Variants in FMNL3 observed in about 807,000 individuals in gnomAD.
The protein encoded by FMNL3 is formin like 3.
FMNL3 carries 57 observed loss-of-function variants against 119.6 expected under a neutral mutation model. That is an observed-to-expected ratio of 0.48 (90% CI 0.39 to 0.59). The LOEUF is 0.59. Among genes scored for constraint, FMNL3 ranks in the 20% least tolerant of loss-of-function variants. The probability of loss-of-function intolerance (pLI) is 0.00; values close to 1 mark genes in which losing one functional copy is unlikely to be tolerated. For synonymous variants in FMNL3, 491 were observed against 507.3 expected (o/e 0.97, Z 0.43); for missense variants, 1,053 against 1,323.5 (o/e 0.80, Z 3.17).
At chr12:49,679,631 A>G (rs1944286156) in intron 1 of FMNL3, among the ~76,000 whole-genome samples, 1 of 144,286 alleles carries the variant, frequency 6.9e-6, no homozygotes, top group South Asian at 2.2e-4. Flanking sequence ...GGCTCAGGTG[A>G]TCTTCCCACC....
chr12:49,674,833 A>G (rs553968931), intron 1 of FMNL3, among the ~76,000 whole-genome samples: 2 of 152,190 alleles, frequency 1.3e-5, no homozygotes, highest in African/African-American at 2.4e-5. Flanking sequence ...GTTACGGGCC[A>G]AGTCCCTGAG....
rs1942659036 is a variant in FMNL3 at position 49,641,579 on chromosome 12, C to T, written c.*4236G>A. ...TGTTGATTGAGAATGCATGGAAGCA[C>T]TGCTGAGCAGCAGGAGGGCCCAGCT... On this transcript the variant is annotated 3_prime_UTR_variant, in exon 26 of 26. Transcript: ENST00000335154. 1.2e-5 allele frequency: 4 copies of T among 326,078 alleles called. No individual in the cohort carries two copies. In the East Asian group the frequency reaches 1.9e-4, roughly 16 times the overall value. 20.2% of individuals were successfully genotyped at this position (326,078 alleles called of 1,614,324 possible). A position where few individuals can be genotyped will look rare whatever the true frequency, so the allele number is the denominator to read the frequency against.
At chr12:49,677,073 A>T (rs1359450038) in intron 1 of FMNL3, among the ~76,000 whole-genome samples, 2 of 152,150 alleles carry the variant, frequency 1.3e-5, no homozygotes, top group Non-Finnish European at 2.9e-5. Context: ...TACCCCAGAG[A>T]GATTACCTCC....
rs563883749 is a variant in FMNL3, at chr12:49,702,719, G to T, written c.126+4336C>A. Among the ~76,000 whole-genome samples the T allele has an allele frequency of 2.0e-4, 30 of 152,172 alleles. 1 individual carries two copies. In the East Asian group the frequency reaches 5.6e-3, roughly 28 times the overall value. On this transcript the variant is annotated intron_variant, in intron 1 of 25. Coordinates refer to ENST00000335154, the MANE Select transcript of FMNL3 (RefSeq NM_175736.5). ...ATAAGACTCCTCTCTGTGGTCTAGG[G>T]TCTTCTCTGTGGGGTCTCTGAACAA...
At chr12:49,706,548 C>A (rs745840827) in intron 1 of FMNL3, among the ~76,000 whole-genome samples, 16 of 152,112 alleles carry the variant, frequency 1.1e-4, no homozygotes, top group Non-Finnish European at 2.1e-4. Flanking sequence ...GCCTCCCCAT[C>A]CCCCTCTCCC....
At position 49,707,153 on chromosome 12, in the gene FMNL3, C is replaced by G. The variant is rs1011920151; in HGVS notation, c.28G>C (p.Val10Leu). 1.3e-6 allele frequency: 2 copies of G among 1,589,108 alleles called. No homozygotes were observed. The highest frequency in any genetic ancestry group is 2.7e-5 in the African/African-American group (2 of 73,308). Residue 10 changes from valine (V) to leucine (L), a missense_variant, in exon 1 of 26, where the codon GTC becomes CTC. By Grantham distance (32) the Val-to-Leu change is conservative. Coordinates refer to ENST00000335154, the MANE Select transcript of FMNL3 (RefSeq NM_175736.5). The part of the protein sequence containing the change: MGNLESAEG[V>L]PGEPPSVPLL... Reference sequence around the variant, plus strand: ...GGGACAGAGGGGGGCTCTCCCGGGACCCCCTCGGCGCTCTCCAGGTTGCCC... The same window carrying G: ...GGGACAGAGGGGGGCTCTCCCGGGAGCCCCTCGGCGCTCTCCAGGTTGCCC...
At position 49,649,684 on chromosome 12, in the gene FMNL3, G is replaced by A; in HGVS notation, c.2235+7C>T. The A allele has an allele frequency of 6.2e-7, 1 of 1,613,890 alleles. No individual in the cohort carries two copies. Reference sequence around the variant, plus strand: ...GTCCAGAGCCATGAGTTGGGTGGGGGCTGTACCGGTGTGAGCATCTGCAGG... The same window carrying A: ...GTCCAGAGCCATGAGTTGGGTGGGGACTGTACCGGTGTGAGCATCTGCAGG... On this transcript the variant is annotated splice_region_variant and intron_variant, in intron 18 of 25. Coordinates refer to ENST00000335154, the MANE Select transcript of FMNL3 (RefSeq NM_175736.5). This position sits in a 1 kb window ranked among gnomAD's most constrained non-coding sequence, Gnocchi z 5.6.
chr12:49,668,882 T>C (rs1202185488), intron 1 of FMNL3, among the ~76,000 whole-genome samples: 2 of 152,270 alleles, frequency 1.3e-5, no homozygotes, highest in Non-Finnish European at 2.9e-5. Flanking sequence ...TAGTTTCTTT[T>C]CTATTTTATG....
chr12:49,640,488 A>T lies in FMNL3; in HGVS notation c.*5327T>A, dbSNP rs1264300323. On this transcript the variant is annotated 3_prime_UTR_variant, in exon 26 of 26. Transcript: ENST00000335154. ...GGCACTGAGGACCAGATGAGTGAGG[A>T]CAAAGAAGGCGGCCTTGGATTTGGC... 3 of 152,240 alleles carry T rather than the reference A, an allele frequency of 2.0e-5. No individual in the cohort carries two copies. The highest frequency in any genetic ancestry group is 7.2e-5 in the African/African-American group (3 of 41,424). 9.4% of individuals were successfully genotyped at this position (152,240 alleles called of 1,614,324 possible). A position where few individuals can be genotyped will look rare whatever the true frequency, so the allele number is the denominator to read the frequency against.
intron 6 of FMNL3, among the ~76,000 whole-genome samples, chr12:49,657,896 C>T (rs1046068896): frequency 3.3e-5 from 5 of 152,150 alleles, no homozygotes; most frequent in African/African-American, 4.8e-5. Flanking sequence ...CCAGTCCATC[C>T]GCCTACCTCC....
chr12:49,673,309 A>C (rs1944095282), intron 1 of FMNL3, among the ~76,000 whole-genome samples: 2 of 152,374 alleles, frequency 1.3e-5, no homozygotes, highest in South Asian at 4.1e-4. Flanking sequence ...CAGATGAGCA[A>C]AGATGGAAAG....
Position 49,707,258 on chromosome 12 carries a change from C to G in FMNL3, c.-78G>C. 1.5e-6 allele frequency: 2 copies of G among 1,318,324 alleles called. No homozygotes were observed. Among genetic ancestry groups the G allele is most frequent in the South Asian group, 3.3e-5 (2 of 61,086 alleles). 81.7% of individuals were successfully genotyped at this position (1,318,324 alleles called of 1,614,324 possible). A position where few individuals can be genotyped will look rare whatever the true frequency, so the allele number is the denominator to read the frequency against. ...TTTCGGCTCCGCGGCTCCGACCAGG[C>G]TCCTCCCTCAGCGCCGGCTCCCCGA... On this transcript the variant is annotated 5_prime_UTR_variant, in exon 1 of 26. Transcript: ENST00000335154.
rs929959398 is a variant in FMNL3, at chr12:49,707,306, G to A, written c.-126C>T. ...CGAGTCCCGACTCCTCGGCCCCGTC[G>A]AGGGCGCCGGGGGTTCCCTGGAGTC... On this transcript the variant is annotated 5_prime_UTR_variant, in exon 1 of 26. Transcript: ENST00000335154. 5.4e-6 allele frequency: 5 copies of A among 933,982 alleles called. No homozygotes were observed. Among genetic ancestry groups the A allele is most frequent in the African/African-American group, 1.8e-5 (1 of 57,032 alleles). The allele number at this position is 933,982 out of a possible 1,614,324, so 57.9% of individuals were successfully genotyped here.
chr12:49,688,995 G>C (rs1341883652), intron 1 of FMNL3, among the ~76,000 whole-genome samples: 1 of 152,220 alleles, frequency 6.6e-6, no homozygotes, highest in East Asian at 1.9e-4. Flanking sequence ...GCTCATGCCT[G>C]TAATCTCAGC....
chr12:49,680,790 C>T (rs1433475984), intron 1 of FMNL3, among the ~76,000 whole-genome samples: 1 of 152,226 alleles, frequency 6.6e-6, no homozygotes. Flanking sequence ...ACTTTTCTCA[C>T]ATTCTCTCAC....
intron 1 of FMNL3, among the ~76,000 whole-genome samples, chr12:49,704,540 A>G (rs1190643327): frequency 1.3e-5 from 2 of 151,830 alleles, no homozygotes; most frequent in Non-Finnish European, 2.9e-5. Context: ...GCGAAACCCC[A>G]TCTCTACTAA....
intron 1 of FMNL3, among the ~76,000 whole-genome samples, chr12:49,704,375 G>A (rs1295221896): frequency 1.3e-5 from 2 of 152,156 alleles, no homozygotes. Flanking sequence ...AAAAAGGTGA[G>A]AAAGGAACAG....
rs1942029843 is a variant in FMNL3 at position 49,637,681 on chromosome 12, C to T, written c.*8134G>A. 7.2e-6 allele frequency: 11 copies of T among 1,526,384 alleles called. No homozygotes were observed. The highest frequency in any genetic ancestry group is 9.9e-6 in the Non-Finnish European group (11 of 1,114,630). 94.6% of individuals were successfully genotyped at this position (1,526,384 alleles called of 1,614,324 possible). On this transcript the variant is annotated 3_prime_UTR_variant, in exon 26 of 26. Transcript: ENST00000335154. Reference sequence around the variant, plus strand: ...CGGCTCCTGTCCTCGGCCCAGCCCCCAGGCCTTGGGAAGCTGCCGCCCGCC... The same window carrying T: ...CGGCTCCTGTCCTCGGCCCAGCCCCTAGGCCTTGGGAAGCTGCCGCCCGCC...
intron 16 of FMNL3, 89 bp from the exon 17 acceptor site, chr12:49,650,967 C>G: frequency 6.7e-7 from 1 of 1,498,146 alleles, no homozygotes; most frequent in Non-Finnish European, 9.2e-7. Context: ...GCCCAGAGCT[C>G]TGTCACTCTG....
Sources: gnomAD v4.1 joint callset for allele counts (sites outside exome capture counted in the v4.1 genomes callset) on GRCh38, gnomAD v4.1.1 for gene constraint, Gnocchi (gnomAD v3.1) non-coding constraint, MANE v1.5 for transcripts, NCBI Gene and HGNC (gene_info 2026-07-23, HGNC 2026-07-21) for gene names.